Variants in NEBL observed in about 807,000 individuals in gnomAD.
NEBL encodes nebulette, also known as LIM and SH3 protein 2.
NEBL carries 122 observed loss-of-function variants against 140.2 expected under a neutral mutation model. That is an observed-to-expected ratio of 0.87 (90% CI 0.75 to 1.01). The LOEUF is 1.01. Among genes scored for constraint, NEBL ranks in the 50% least tolerant of loss-of-function variants. The pLI, the probability that NEBL is intolerant of heterozygous loss-of-function variation, is 0.00. For synonymous variants in NEBL, 436 were observed against 398.9 expected, an observed-to-expected ratio of 1.09 and a Z score of -1.11; for missense variants, 1,365 against 1,231.3, an observed-to-expected ratio of 1.11 and a Z score of -1.62.
At chr10:20,931,953 A>G (rs1825846681) in intron 4 of NEBL, among the ~76,000 whole-genome samples, 2 of 152,186 alleles carry the variant, frequency 1.3e-5, no homozygotes, top group Non-Finnish European at 2.9e-5. Flanking sequence ...TCTTTCATGT[A>G]TTCCTTCCCT....
At position 20,840,731 on chromosome 10, in the gene NEBL, A is replaced by G; in HGVS notation, c.1338+8T>C. On this transcript the variant is annotated splice_region_variant and intron_variant, in intron 13 of 27. Transcript: ENST00000377122. Reference sequence around the variant, plus strand: ...TATTCATCTAAGGTGTTAAATAAACATACTCACCTCACTTGCCATTTCAGA... The same window carrying G: ...TATTCATCTAAGGTGTTAAATAAACGTACTCACCTCACTTGCCATTTCAGA... 3 of 1,566,974 alleles carry G rather than the reference A, an allele frequency of 1.9e-6. No individual in the cohort carries two copies. The South Asian group carries it at 3.3e-5, about 17-fold the overall frequency.
chr10:21,020,523 T>A (rs1007149093), intron 2 of NEBL, among the ~76,000 whole-genome samples: 6 of 152,186 alleles, frequency 3.9e-5, no homozygotes, highest in Non-Finnish European at 8.8e-5. Flanking sequence ...TGCCAAATCA[T>A]CCATCCTCCA....
chr10:20,843,741 A>C (rs1222831137), intron 12 of NEBL, among the ~76,000 whole-genome samples: 1 of 152,104 alleles, frequency 6.6e-6, no homozygotes, highest in Non-Finnish European at 1.5e-5. Context: ...ACAGAGTGAT[A>C]TTTTAATATG....
intron 2 of NEBL, among the ~76,000 whole-genome samples, chr10:21,079,016 T>C (rs748779897): frequency 1.3e-5 from 2 of 152,228 alleles, no homozygotes; most frequent in Non-Finnish European, 2.9e-5. Flanking sequence ...TCTGTATTTC[T>C]ACCACCTCCA....
At chr10:21,044,176 C>G (rs1342300301) in intron 2 of NEBL, among the ~76,000 whole-genome samples, 1 of 152,078 alleles carries the variant, frequency 6.6e-6, no homozygotes, top group African/African-American at 2.4e-5. Context: ...GCGGGCGGAT[C>G]ACCTGAGGTC....
intron 1 of NEBL, among the ~76,000 whole-genome samples, chr10:21,270,594 C>A (rs1264652163): frequency 6.6e-6 from 1 of 152,126 alleles, no homozygotes; most frequent in Non-Finnish European, 1.5e-5. Context: ...TCTCGAAATC[C>A]TGACCTCAAG....
intron 26 of NEBL, among the ~76,000 whole-genome samples, chr10:20,799,579 G>T (rs934093250): frequency 2.0e-5 from 3 of 152,152 alleles, no homozygotes; most frequent in Non-Finnish European, 2.9e-5. Context: ...TTCAAATTCA[G>T]TTTGCAAATA....
chr10:21,161,192 T>C (rs1840546178), intron 2 of NEBL, among the ~76,000 whole-genome samples: 1 of 152,114 alleles, frequency 6.6e-6, no homozygotes, highest in Non-Finnish European at 1.5e-5. Flanking sequence ...TATTTTTATT[T>C]TTATTTTTTG....
At chr10:21,029,333 T>C in intron 2 of NEBL, 2 of 1,611,086 alleles carry the variant, frequency 1.2e-6, no homozygotes, top group Non-Finnish European at 1.7e-6. Context: ...GAAGAGTCAA[T>C]TAAGGAATTC....
intron 2 of NEBL, among the ~76,000 whole-genome samples, chr10:20,890,327 CAG>C (rs1462806002): frequency 6.6e-6 from 1 of 152,200 alleles, no homozygotes; most frequent in Admixed American, 6.5e-5. Flanking sequence ...TTTGGCCAAA[CAG>C]AAACACAGCT....
intron 2 of NEBL, among the ~76,000 whole-genome samples, chr10:21,103,522 T>C (rs1198536758): frequency 6.6e-6 from 1 of 152,140 alleles, no homozygotes; most frequent in South Asian, 2.1e-4. Context: ...CTTTTTCAAC[T>C]CTTGATAAGG....
In NEBL at chr10:20,859,790, C is replaced by A; in HGVS notation, c.721G>T (p.Asp241Tyr). The A allele has an allele frequency of 2.5e-6, 4 of 1,588,816 alleles. No individual in the cohort carries two copies. The highest frequency in any genetic ancestry group is 3.4e-6 in the Non-Finnish European group (4 of 1,160,002). ...YKEKFDNEMK[D>Y]KKHHYNPLES... ...AGAGGATTGTAATGATGTTTCTTAT[C>A]CTTCATTTCATTATCAAATTTTTCT... Residue 241 changes from aspartate to tyrosine, a missense_variant, in exon 8 of 28, where the codon GAT (aspartate) becomes TAT (tyrosine). Transcript: ENST00000377122.
chr10:21,152,670 T>C (rs1489987643), intron 2 of NEBL, among the ~76,000 whole-genome samples: 4 of 152,056 alleles, frequency 2.6e-5, no homozygotes, highest in Non-Finnish European at 5.9e-5. Context: ...TTCTGCCCAA[T>C]TGTACATCAA....
At position 20,783,834 on chromosome 10, in the gene NEBL, T is replaced by C. The variant is rs185782725; in HGVS notation, c.*1913A>G. 1 of 152,756 alleles carries C rather than the reference T, an allele frequency of 6.5e-6. No individual in the cohort carries two copies. Among genetic ancestry groups the C allele is most frequent in the East Asian group, 1.9e-4 (1 of 5,180 alleles). 9.5% of individuals were successfully genotyped at this position (152,756 alleles called of 1,614,324 possible). A position where few individuals can be genotyped will look rare whatever the true frequency, so the allele number is the denominator to read the frequency against. Reference sequence around the variant, plus strand: ...CAAAACAGATATGGGGTTTTATCACTTTAATCACGACTGGCCATTTCAGTG... The same window carrying C: ...CAAAACAGATATGGGGTTTTATCACCTTAATCACGACTGGCCATTTCAGTG... On this transcript the variant is annotated 3_prime_UTR_variant, in exon 28 of 28. Transcript: ENST00000377122.
At chr10:21,046,376 T>C (rs534623910) in intron 2 of NEBL, among the ~76,000 whole-genome samples, 2 of 152,318 alleles carry the variant, frequency 1.3e-5, no homozygotes, top group South Asian at 4.1e-4. Context: ...GATTTTGTAG[T>C]GTTATACGAG....
At chr10:21,244,197 T>A (rs1235971432) in intron 3 of NEBL, among the ~76,000 whole-genome samples, 1 of 151,998 alleles carries the variant, frequency 6.6e-6, no homozygotes, top group Non-Finnish European at 1.5e-5. Flanking sequence ...ACAGTCTTAC[T>A]CTGTCTCCCA....
intron 1 of NEBL, among the ~76,000 whole-genome samples, chr10:21,279,244 A>G (rs1842961122): frequency 6.6e-6 from 1 of 151,236 alleles, no homozygotes; most frequent in Non-Finnish European, 1.5e-5. Context: ...TGAATTTCAT[A>G]TAATGTTCAC....
Position 21,257,604 on chromosome 10 carries a change from C to T in NEBL, n.183-5776G>A, listed in dbSNP as rs114276209. 2.8e-3 allele frequency among the ~76,000 whole-genome samples: 420 copies of T among 152,220 alleles called. 5 individuals carry two copies. Among genetic ancestry groups the T allele is most frequent in the African/African-American group, 8.9e-3 (371 of 41,552 alleles). On this transcript the variant is annotated intron_variant and non_coding_transcript_variant, in intron 1 of 8. Coordinates refer to the NEBL transcript ENST00000675702. ...TGGTTGATGTAAAAAACCACCAAAA[C>T]GCCGTGCATGGTGGCTCACGCCTGT... is the stretch of plus-strand genomic sequence containing the variant.
At chr10:21,009,605 T>C (rs1838259248) in intron 3 of NEBL, among the ~76,000 whole-genome samples, 2 of 152,228 alleles carry the variant, frequency 1.3e-5, no homozygotes, top group Non-Finnish European at 2.9e-5. Flanking sequence ...AAAAACTCCA[T>C]TTTACAAAGC....
Sources: gnomAD v4.1 joint callset for allele counts (sites outside exome capture counted in the v4.1 genomes callset) on GRCh38, gnomAD v4.1.1 for gene constraint, MANE v1.5 for transcripts, NCBI Gene and HGNC (gene_info 2026-07-23, HGNC 2026-07-21) for gene names.